The following KCNN3 variants were observed in gnomAD, a reference collection of about 807,000 sequenced individuals.
KCNN3 encodes potassium calcium-activated channel subfamily N member 3, also known as small conductance calcium-activated potassium channel protein 3.
Under a neutral mutation model 62.9 loss-of-function variants are expected in KCNN3, and 16 were observed. The ratio of observed to expected loss-of-function variants is 0.25; its 90% CI spans 0.17 to 0.39. The LOEUF (loss-of-function observed/expected upper bound fraction) is 0.39. KCNN3 is among the 10% of genes least tolerant of loss of function. KCNN3 has a pLI of 1.00. For synonymous variants in KCNN3, 370 were observed against 389.2 expected, an observed-to-expected ratio of 0.95 and a Z score of 0.58; for missense variants, 599 against 949.4, an observed-to-expected ratio of 0.63 and a Z score of 4.85.
intron 3 of KCNN3, among the ~76,000 whole-genome samples, chr1:154,766,305 C>A (rs1648269213): frequency 6.6e-6 from 1 of 150,780 alleles, no homozygotes; most frequent in African/African-American, 2.4e-5. Context: ...AAATCATGGG[C>A]TCCTACCAAT....
At chr1:154,722,432 G>A (rs1295040227) in intron 5 of KCNN3, among the ~76,000 whole-genome samples, 1 of 148,240 alleles carries the variant, frequency 6.7e-6, no homozygotes, top group Admixed American at 6.8e-5. Flanking sequence ...CAGTTGCCCA[G>A]GCTGGAGTGC....
intron 3 of KCNN3, among the ~76,000 whole-genome samples, chr1:154,745,848 T>C (rs1452275075): frequency 6.6e-6 from 1 of 152,178 alleles, no homozygotes; most frequent in African/African-American, 2.4e-5. Flanking sequence ...AAAAATAATA[T>C]GCTTGGAAGA....
chr1:154,771,937 G>T (rs1648578010), intron 3 of KCNN3, 38 bp downstream of exon 3: 1 of 1,606,526 alleles, frequency 6.2e-7, no homozygotes, highest in Middle Eastern at 1.7e-4. Context: ...CCCTGTCCCA[G>T]CACAGGCTCT....
At chr1:154,810,052 G>A (rs1222571492) in intron 2 of KCNN3, among the ~76,000 whole-genome samples, 1 of 152,162 alleles carries the variant, frequency 6.6e-6, no homozygotes, top group Non-Finnish European at 1.5e-5. Flanking sequence ...GTGGAAACAG[G>A]ATTATTGACA....
intron 1 of KCNN3, among the ~76,000 whole-genome samples, chr1:154,834,383 A>AT (rs1212550024): frequency 1.3e-5 from 2 of 152,240 alleles, no homozygotes; most frequent in Non-Finnish European, 2.9e-5. Context: ...GGTCCTGCCT[A>AT]TCACGGGGCA....
At chr1:154,775,824 C>A (rs1235738894) in intron 2 of KCNN3, among the ~76,000 whole-genome samples, 1 of 152,220 alleles carries the variant, frequency 6.6e-6, no homozygotes, top group Admixed American at 6.5e-5. Flanking sequence ...CTGCTTCTAA[C>A]TGCCGCCCGA....
chr1:154,851,387 C>A (rs1034311422), intron 1 of KCNN3, among the ~76,000 whole-genome samples: 12 of 152,178 alleles, frequency 7.9e-5, no homozygotes, highest in African/African-American at 2.2e-4. Flanking sequence ...GCCTCAAGCA[C>A]CATCCTGTGA....
chr1:154,779,646 G>A (rs1445867220), intron 2 of KCNN3, among the ~76,000 whole-genome samples: 1 of 152,214 alleles, frequency 6.6e-6, no homozygotes, highest in South Asian at 2.1e-4. Context: ...AGGGAACAAG[G>A]GCACAACAGA....
chr1:154,771,080 TAAATAAATAAATAA>T (rs1284687829), intron 3 of KCNN3, among the ~76,000 whole-genome samples: 1 of 148,324 alleles, frequency 6.7e-6, no homozygotes, highest in African/African-American at 2.5e-5. Context: ...AATAAATAAA[TAAATAAATAAATAA>T]ATAAATAAAT....
chr1:154,788,788 C>T (rs1349636579), intron 2 of KCNN3, among the ~76,000 whole-genome samples: 1 of 152,160 alleles, frequency 6.6e-6, no homozygotes, highest in East Asian at 1.9e-4. Flanking sequence ...TACTAGGTTC[C>T]GGGTGCTAGT....
chr1:154,714,986 G>C lies in KCNN3; in HGVS notation c.1719C>G (p.Ala573=), dbSNP rs1159622035. 3 of 1,613,530 alleles carry C rather than the reference G, an allele frequency of 1.9e-6. No individual in the cohort carries two copies. The African/African-American group carries it at 4.0e-5, about 22-fold the overall frequency. ...QLTKRIKNAA[A]NVLRETWLIY... Reference sequence around the variant, plus strand: ...TTAACCATGTTTCCCGAAGGACATTGGCTGCAGCATTCTTGATCTAAGGAA... The same window carrying C: ...TTAACCATGTTTCCCGAAGGACATTCGCTGCAGCATTCTTGATCTAAGGAA... Residue 573 remains alanine, a synonymous_variant, in exon 6 of 8, where the codon GCC becomes GCG. Transcript: ENST00000271915.
intron 1 of KCNN3, among the ~76,000 whole-genome samples, chr1:154,827,707 G>A (rs924117822): frequency 1.3e-5 from 2 of 152,076 alleles, no homozygotes; most frequent in Non-Finnish European, 2.9e-5. Flanking sequence ...GCTGAGGCAG[G>A]AGAATGGCTT....
At chr1:154,761,953 G>C (rs1402750178) in intron 3 of KCNN3, among the ~76,000 whole-genome samples, 1 of 144,292 alleles carries the variant, frequency 6.9e-6, no homozygotes, top group Non-Finnish European at 1.5e-5. Flanking sequence ...AACAAACAAC[G>C]AAGTAACAAA....
chr1:154,711,519 A>G (rs1228627091), intron 7 of KCNN3, among the ~76,000 whole-genome samples: 2 of 151,678 alleles, frequency 1.3e-5, no homozygotes, highest in Non-Finnish European at 2.9e-5. Context: ...AAAAAAAAAA[A>G]GAAAGTTTGG....
chr1:154,822,772 G>A (rs1650955469), intron 1 of KCNN3, among the ~76,000 whole-genome samples: 1 of 152,232 alleles, frequency 6.6e-6, no homozygotes, highest in African/African-American at 2.4e-5. Context: ...AGGAAGCACA[G>A]GAGCAGAGAG....
chr1:154,849,768 G>T (rs1358960451), intron 1 of KCNN3, among the ~76,000 whole-genome samples: 1 of 152,200 alleles, frequency 6.6e-6, no homozygotes, highest in Non-Finnish European at 1.5e-5. Context: ...TGGTGAGAAT[G>T]AGTCATCGAA....
At chr1:154,808,544 T>C (rs1650273239) in intron 2 of KCNN3, among the ~76,000 whole-genome samples, 1 of 152,110 alleles carries the variant, frequency 6.6e-6, no homozygotes, top group Non-Finnish European at 1.5e-5. Context: ...TATCTCTCCA[T>C]TAGATCACAA....
chr1:154,737,241 G>T (rs1272876117), intron 3 of KCNN3, among the ~76,000 whole-genome samples: 1 of 151,924 alleles, frequency 6.6e-6, no homozygotes, highest in African/African-American at 2.4e-5. Flanking sequence ...TTTCTTTAAA[G>T]GCTGAGGAGG....
chr1:154,824,192 G>A (rs538310360), intron 1 of KCNN3, among the ~76,000 whole-genome samples: 20 of 152,220 alleles, frequency 1.3e-4, no homozygotes, highest in Non-Finnish European at 2.2e-4. Context: ...GCATGGGGTC[G>A]TCCAACTATG....
Sources: allele counts gnomAD v4.1 joint callset (sites outside exome capture counted in the v4.1 genomes callset), GRCh38; gene constraint gnomAD v4.1.1; transcripts MANE v1.5; gene names NCBI Gene and HGNC (gene_info 2026-07-23, HGNC 2026-07-21).